PDCD10: variants seen among roughly 807,000 people sequenced by gnomAD.
PDCD10 encodes programmed cell death 10.
A neutral mutation model predicts 29.2 loss-of-function variants in PDCD10; 4 were observed. That is an observed-to-expected ratio of 0.14 (90% confidence interval 0.07 to 0.31). PDCD10 has a LOEUF of 0.31. PDCD10 is among the 10% of genes least tolerant of loss of function. The probability of loss-of-function intolerance (pLI) is 1.00; values close to 1 mark genes in which losing one functional copy is unlikely to be tolerated. For missense variants in PDCD10, 183 were observed against 257.9 expected (o/e 0.71, Z 1.99); for synonymous variants, 70 against 82.2 (o/e 0.85, Z 0.80).
chr3:167,703,789 C>T (rs190391519), intron 4 of PDCD10, among the ~76,000 whole-genome samples: 1 of 151,986 alleles, frequency 6.6e-6, no homozygotes, highest in East Asian at 1.9e-4. Context: ...TATGAGCTAC[C>T]TATGTAATAT....
At chr3:167,730,272 C>G (rs566186150) in intron 2 of PDCD10, among the ~76,000 whole-genome samples, 1 of 152,158 alleles carries the variant, frequency 6.6e-6, no homozygotes, top group South Asian at 2.1e-4. Context: ...TATAATATTT[C>G]AAATGCAATA....
Position 167,684,408 on chromosome 3 carries a change from A to AT in PDCD10, c.558-20dup. ...TATTGCCCTGTTTAAAAAGAAAAGA[A>AT]TAAGCATTAATTTCATCCAAAAAAT... On this transcript the variant is annotated intron_variant, in intron 8 of 8. Coordinates refer to ENST00000392750, the MANE Select transcript of PDCD10 (RefSeq NM_007217.4). The AT allele has an allele frequency of 6.9e-7, 1 of 1,459,570 alleles. No individual in the cohort carries two copies. The highest frequency in any genetic ancestry group is 9.6e-7 in the Non-Finnish European group (1 of 1,039,984). The allele number at this position is 1,459,570 out of a possible 1,614,324, so 90.4% of individuals were successfully genotyped here. A position where few individuals can be genotyped will look rare whatever the true frequency, so the allele number is the denominator to read the frequency against.
chr3:167,718,184 T>C (rs1284414692), intron 3 of PDCD10, among the ~76,000 whole-genome samples: 2 of 152,146 alleles, frequency 1.3e-5, no homozygotes, highest in Admixed American at 6.6e-5. Context: ...TTATCAAATT[T>C]CTAGGGCAAG....
chr3:167,695,902 G>C (rs1342910457), intron 5 of PDCD10, among the ~76,000 whole-genome samples, 180 bp from the exon 6 acceptor site: 2 of 151,668 alleles, frequency 1.3e-5, no homozygotes, highest in Non-Finnish European at 2.9e-5. Flanking sequence ...ACAACAGCAG[G>C]GCTCCCTTCA....
chr3:167,684,702 C>T (rs1173487148), intron 8 of PDCD10, among the ~76,000 whole-genome samples: 5 of 151,944 alleles, frequency 3.3e-5, no homozygotes, highest in Non-Finnish European at 7.4e-5. Flanking sequence ...GATGTGGTCT[C>T]CAGCTGTGGT....
intron 5 of PDCD10, among the ~76,000 whole-genome samples, chr3:167,696,140 T>C: frequency 6.6e-6 from 1 of 152,246 alleles, no homozygotes; most frequent in East Asian, 1.9e-4. Context: ...AGATTAAAAA[T>C]TTAAAACCCC....
At chr3:167,705,975 T>A (rs996367365) in intron 3 of PDCD10, among the ~76,000 whole-genome samples, 1 of 152,188 alleles carries the variant, frequency 6.6e-6, no homozygotes, top group Non-Finnish European at 1.5e-5. Flanking sequence ...TCTGTTTTGA[T>A]AGGAACCCAT....
chr3:167,715,344 C>A (rs924346275), intron 3 of PDCD10, among the ~76,000 whole-genome samples: 1 of 151,870 alleles, frequency 6.6e-6, no homozygotes, highest in Non-Finnish European at 1.5e-5. Flanking sequence ...CTCTCCAGAA[C>A]AATAGTGTGG....
chr3:167,717,584 T>G (rs1252272574), intron 3 of PDCD10, among the ~76,000 whole-genome samples: 1 of 151,850 alleles, frequency 6.6e-6, no homozygotes, highest in Non-Finnish European at 1.5e-5. Flanking sequence ...GGTATCTTAT[T>G]TATATGTTAT....
Position 167,695,711 on chromosome 3 carries a change from C to G in PDCD10, c.280G>C (p.Glu94Gln). 1.2e-6 allele frequency: 2 copies of G among 1,613,618 alleles called. No homozygotes were observed. The highest frequency in any genetic ancestry group is 1.7e-6 in the Non-Finnish European group (2 of 1,179,586). Residue 94 changes from glutamate (E) to glutamine (Q), a missense_variant, in exon 6 of 9, where the codon GAA becomes CAA. Coordinates refer to ENST00000392750, the MANE Select transcript of PDCD10 (RefSeq NM_007217.4). ...AADDVEEYMI[E>Q]RPEPEFQDLN... ...TCTTGGAATTCTGGCTCTGGTCGTT[C>G]AATCATATACTCTGATAAAATAAAT... is the stretch of plus-strand genomic sequence containing the variant.
chr3:167,684,823 A>C (rs1489963444), intron 8 of PDCD10, among the ~76,000 whole-genome samples: 5 of 152,180 alleles, frequency 3.3e-5, no homozygotes, highest in Admixed American at 2.6e-4. Context: ...GATTCATCCC[A>C]ATCTCTTTAT....
intron 2 of PDCD10, among the ~76,000 whole-genome samples, chr3:167,728,140 A>T (rs1385868939): frequency 6.6e-6 from 1 of 152,150 alleles, no homozygotes; most frequent in African/African-American, 2.4e-5. Context: ...ACCAAAAATA[A>T]GGTAGAACCT....
intron 2 of PDCD10, among the ~76,000 whole-genome samples, chr3:167,720,965 C>CCA (rs1460671226): frequency 7.4e-6 from 1 of 134,400 alleles, no homozygotes; most frequent in East Asian, 2.0e-4. Flanking sequence ...GAAGAAAAAC[C>CCA]CAGAGGCTGG....
chr3:167,696,516 C>T (rs1720825618), intron 5 of PDCD10, among the ~76,000 whole-genome samples: 1 of 151,994 alleles, frequency 6.6e-6, no homozygotes, highest in African/African-American at 2.4e-5. Context: ...AAAACTGCTA[C>T]TAAACTTAAG....
At chr3:167,733,747 G>T (rs1047845286) in intron 2 of PDCD10, among the ~76,000 whole-genome samples, 1 of 152,032 alleles carries the variant, frequency 6.6e-6, no homozygotes, top group African/African-American at 2.4e-5. Context: ...CAGTCCTAAG[G>T]TAGAAAAAGA....
intron 3 of PDCD10, among the ~76,000 whole-genome samples, chr3:167,714,194 C>A (rs1300313648): frequency 1.3e-5 from 2 of 152,102 alleles, no homozygotes; most frequent in Admixed American, 1.3e-4. Context: ...TTCATAATAA[C>A]CAAGGAGATT....
At chr3:167,697,802 C>T in intron 4 of PDCD10, 1 of 390,370 alleles carries the variant, frequency 2.6e-6, no homozygotes, top group Non-Finnish European at 5.1e-6. Context: ...CCCCAAGACA[C>T]TAAAATTTTC....
chr3:167,720,694 G>A (rs372698761), intron 2 of PDCD10, among the ~76,000 whole-genome samples: 124 of 152,014 alleles, frequency 8.2e-4, no homozygotes, highest in Middle Eastern at 3.4e-3. Flanking sequence ...AAACCAAATC[G>A]AAGAATCAAT....
At chr3:167,730,387 C>T (rs974168635) in intron 2 of PDCD10, among the ~76,000 whole-genome samples, 9 of 152,116 alleles carry the variant, frequency 5.9e-5, no homozygotes, top group African/African-American at 1.9e-4. Context: ...TAACACCTAT[C>T]ATAATGATAT....
Sources: gnomAD v4.1 joint callset for allele counts (sites outside exome capture counted in the v4.1 genomes callset) on GRCh38, gnomAD v4.1.1 for gene constraint, MANE v1.5 for transcripts, NCBI Gene and HGNC (gene_info 2026-07-23, HGNC 2026-07-21) for gene names.